The following NLGN1 variants were observed in gnomAD, a reference collection of about 807,000 sequenced individuals.
NLGN1 encodes the protein neuroligin 1.
NLGN1 carries 12 observed loss-of-function variants against 65.5 expected under a neutral mutation model. The observed-to-expected ratio is 0.18, with a 90% CI of 0.12 to 0.30. The LOEUF (loss-of-function observed/expected upper bound fraction) is 0.30, where lower values mean the gene tolerates loss of function less well. Ranked by LOEUF, NLGN1 falls within the 10% of genes least tolerant of loss-of-function variation. The pLI is 1.00. For missense variants in NLGN1, 750 were observed against 1,007.1 expected (o/e 0.74, Z 3.46); for synonymous variants, 350 against 359.5 (o/e 0.97, Z 0.30).
At chr3:174,210,224 T>C (rs891149630) in intron 4 of NLGN1, among the ~76,000 whole-genome samples, 2 of 152,206 alleles carry the variant, frequency 1.3e-5, no homozygotes, top group Non-Finnish European at 2.9e-5. Context: ...TGTTTGAAAG[T>C]CTTCATATCA....
rs117879151 is a variant in NLGN1, at chr3:174,042,342, G to A, written c.647-232973G>A. On this transcript the variant is annotated intron_variant, in intron 4 of 6. Coordinates refer to ENST00000457714, the Ensembl canonical transcript of NLGN1. ...TGCATTTTTCTGTAAAATATTTAGC[G>A]TTTCATATTTTACAGTTGGGTCAAT... Among the ~76,000 whole-genome samples the A allele has an allele frequency of 6.4e-3, 971 of 152,096 alleles. 22 individuals carry two copies. Among genetic ancestry groups the A allele is most frequent in the East Asian group, 0.04 (207 of 5,174 alleles).
At chr3:173,692,029 AT>A (rs2149828849) in intron 3 of NLGN1, among the ~76,000 whole-genome samples, 1 of 152,190 alleles carries the variant, frequency 6.6e-6, no homozygotes, top group African/African-American at 2.4e-5. Context: ...AATGTTGTGG[AT>A]TTAATAGGTC....
chr3:174,032,784 T>G (rs1730291289), intron 4 of NLGN1, among the ~76,000 whole-genome samples: 1 of 152,066 alleles, frequency 6.6e-6, no homozygotes, highest in Non-Finnish European at 1.5e-5. Flanking sequence ...GGGCCAGCTC[T>G]CCAGGGGAAG....
intron 2 of NLGN1, among the ~76,000 whole-genome samples, chr3:173,510,406 C>T (rs1732745113): frequency 6.6e-6 from 1 of 152,132 alleles, no homozygotes; most frequent in East Asian, 1.9e-4. Flanking sequence ...GTAGTATCTT[C>T]CTAGTATGTC....
At chr3:173,966,014 C>T (rs921704290) in intron 4 of NLGN1, among the ~76,000 whole-genome samples, 6 of 152,010 alleles carry the variant, frequency 3.9e-5, no homozygotes, top group African/African-American at 1.2e-4. Context: ...ATTTTGGGAA[C>T]GTCTAAATTT....
At chr3:174,066,516 G>GTC (rs373763421) in intron 4 of NLGN1, among the ~76,000 whole-genome samples, 8,482 of 66,644 alleles carry the variant, frequency 0.13, 844 homozygotes, top group Middle Eastern at 0.16. Context: ...TATGGAACAA[G>GTC]TCTCTCTCTC....
intron 4 of NLGN1, among the ~76,000 whole-genome samples, chr3:174,023,318 C>G (rs1190215573): frequency 6.6e-6 from 1 of 152,184 alleles, no homozygotes; most frequent in East Asian, 1.9e-4. Flanking sequence ...TCTAGGCTCA[C>G]AAACCTAGGA....
chr3:174,170,654 C>T (rs1728351292), intron 4 of NLGN1, among the ~76,000 whole-genome samples: 1 of 152,158 alleles, frequency 6.6e-6, no homozygotes, highest in African/African-American at 2.4e-5. Context: ...GCTCTTGGTT[C>T]ACAAGATGGA....
At chr3:173,858,548 G>A (rs1301875005) in intron 4 of NLGN1, among the ~76,000 whole-genome samples, 1 of 151,974 alleles carries the variant, frequency 6.6e-6, no homozygotes, top group Non-Finnish European at 1.5e-5. Flanking sequence ...GAATTCTCTT[G>A]TTCCTCACAG....
At chr3:173,697,479 GAC>G (rs1431829675) in intron 3 of NLGN1, among the ~76,000 whole-genome samples, 1 of 152,016 alleles carries the variant, frequency 6.6e-6, no homozygotes. Flanking sequence ...TTAAGAGAGG[GAC>G]ATACAAATTT....
intron 3 of NLGN1, among the ~76,000 whole-genome samples, chr3:173,640,201 A>G (rs1382731906): frequency 6.6e-6 from 1 of 152,202 alleles, no homozygotes; most frequent in Non-Finnish European, 1.5e-5. Context: ...TCAGAGGAAC[A>G]GTCTGATGAT....
chr3:173,951,491 C>G (rs910017152), intron 4 of NLGN1, among the ~76,000 whole-genome samples: 2 of 146,284 alleles, frequency 1.4e-5, no homozygotes, highest in African/African-American at 5.1e-5. Context: ...GAGACGGAGT[C>G]TTGCTCTGTC....
At chr3:173,618,122 C>T (rs998519831) in intron 3 of NLGN1, among the ~76,000 whole-genome samples, 13 of 152,220 alleles carry the variant, frequency 8.5e-5, no homozygotes, top group Admixed American at 1.3e-4. Context: ...GTTCTCATTC[C>T]TTATGATTTG....
At chr3:174,042,734 A>G (rs1158867569) in intron 4 of NLGN1, among the ~76,000 whole-genome samples, 1 of 152,206 alleles carries the variant, frequency 6.6e-6, no homozygotes, top group African/African-American at 2.4e-5. Flanking sequence ...AAACATTTTT[A>G]TGATGTCCAC....
At chr3:174,140,966 A>G (rs915362005) in intron 4 of NLGN1, among the ~76,000 whole-genome samples, 1 of 152,122 alleles carries the variant, frequency 6.6e-6, no homozygotes, top group Non-Finnish European at 1.5e-5. Flanking sequence ...TTAAAGTATT[A>G]TCATTTGTTA....
intron 2 of NLGN1, among the ~76,000 whole-genome samples, chr3:173,536,555 C>G (rs1008711363): frequency 2.0e-5 from 3 of 152,214 alleles, no homozygotes; most frequent in Non-Finnish European, 4.4e-5. Context: ...GGCCTCTACT[C>G]CAAACTCACT....
At chr3:173,698,719 A>G (rs1286720241) in intron 3 of NLGN1, among the ~76,000 whole-genome samples, 2 of 152,348 alleles carry the variant, frequency 1.3e-5, no homozygotes, top group African/African-American at 4.8e-5. Flanking sequence ...TCCCAAATGA[A>G]TAAATGATTA....
chr3:173,824,218 T>G (rs540364122), intron 4 of NLGN1, among the ~76,000 whole-genome samples: 1 of 152,280 alleles, frequency 6.6e-6, no homozygotes, highest in Non-Finnish European at 1.5e-5. Context: ...TTGTCATGGT[T>G]TCTACCTTGT....
intron 4 of NLGN1, among the ~76,000 whole-genome samples, chr3:173,875,490 A>C (rs189832419): frequency 9.8e-5 from 15 of 152,352 alleles, no homozygotes; most frequent in Admixed American, 2.0e-4. Flanking sequence ...CATTAAATGT[A>C]AGTGATGAAG....
Sources: gnomAD v4.1 joint callset for allele counts (sites outside exome capture counted in the v4.1 genomes callset) on GRCh38, gnomAD v4.1.1 for gene constraint, MANE v1.5 for transcripts, NCBI Gene and HGNC (gene_info 2026-07-23, HGNC 2026-07-21) for gene names.